Variants in MAGI2 observed in about 807,000 individuals in gnomAD.
MAGI2 encodes membrane associated guanylate kinase, WW and PDZ domain containing 2.
Under a neutral mutation model 133.3 loss-of-function variants are expected in MAGI2, and 35 were observed. The ratio of observed to expected loss-of-function variants is 0.26; its 90% CI spans 0.20 to 0.35. The LOEUF (loss-of-function observed/expected upper bound fraction) is 0.35, where lower values mean the gene tolerates loss of function less well. MAGI2 is among the 10% of genes least tolerant of loss of function. The pLI is 1.00. For synonymous variants in MAGI2, 729 were observed against 710.6 expected (o/e 1.03, Z -0.41); for missense variants, 1,636 against 1,863.4 (o/e 0.88, Z 2.25).
chr7:79,156,702 TG>T (rs1195985527), intron 1 of MAGI2, among the ~76,000 whole-genome samples: 2 of 152,132 alleles, frequency 1.3e-5, no homozygotes, highest in Non-Finnish European at 2.9e-5. Flanking sequence ...AAAACCAAGC[TG>T]TACCCTGACC....
At chr7:79,037,139 C>G (rs1376105531) in intron 1 of MAGI2, among the ~76,000 whole-genome samples, 2 of 152,084 alleles carry the variant, frequency 1.3e-5, no homozygotes, top group African/African-American at 4.8e-5. Flanking sequence ...TCACTCCCTT[C>G]GTTTATGTAA....
rs925852229 is a variant in MAGI2, at chr7:78,109,201, G to C, written c.3567+16493C>G. On this transcript the variant is annotated intron_variant, in intron 20 of 21. Transcript: ENST00000354212. ...CGCCTGTAGTCCCAGCTACTCGGGA[G>C]GCTGAGGCAGGAGAATGGCGCGAAC... is the stretch of plus-strand genomic sequence containing the variant. Among the ~76,000 whole-genome samples the C allele has an allele frequency of 3.1e-4, 46 of 148,700 alleles. 1 individual carries two copies. The highest frequency in any genetic ancestry group is 1.0e-4 in the Non-Finnish European group (7 of 67,284).
rs1443959493 is a variant in MAGI2, at chr7:78,229,367, G to A, written c.2047+26576C>T. On this transcript the variant is annotated intron_variant, in intron 10 of 21. Coordinates refer to ENST00000354212, the MANE Select transcript of MAGI2 (RefSeq NM_012301.4). ...ATCACACAGGCCAAGTGAACACCAA[G>A]ATTTGAACTCAGGGCCTGTGTCCTA... 2.6e-5 allele frequency among the ~76,000 whole-genome samples: 4 copies of A among 152,220 alleles called. No individual in the cohort carries two copies. The East Asian group carries it at 7.7e-4, about 29-fold the overall frequency.
At chr7:78,663,997 G>C (rs12533307) in intron 2 of MAGI2, among the ~76,000 whole-genome samples, 17,033 of 152,110 alleles carry the variant, frequency 0.11, 1,278 homozygotes, top group East Asian at 0.23. Flanking sequence ...GTAATCACTG[G>C]GTGCTATCAG....
intron 1 of MAGI2, among the ~76,000 whole-genome samples, chr7:79,369,838 A>C (rs1354851211): frequency 2.0e-5 from 3 of 147,626 alleles, no homozygotes; most frequent in Non-Finnish European, 4.5e-5. Flanking sequence ...TTTATAAATA[A>C]AGATGAAAAA....
chr7:79,113,488 CTG>C, intron 1 of MAGI2, among the ~76,000 whole-genome samples: 1 of 152,254 alleles, frequency 6.6e-6, no homozygotes, highest in East Asian at 1.9e-4. Context: ...GTTTTGCTGT[CTG>C]TACTTAAACT....
chr7:79,372,701 A>G (rs1301043864), intron 1 of MAGI2, among the ~76,000 whole-genome samples: 1 of 152,060 alleles, frequency 6.6e-6, no homozygotes, highest in Non-Finnish European at 1.5e-5. Flanking sequence ...CTCCTCAGCA[A>G]TTCTTCACTT....
Position 78,406,210 on chromosome 7 carries a change from G to A in MAGI2, c.1046-36997C>T, listed in dbSNP as rs370708835. Among the ~76,000 whole-genome samples, 59 of 151,970 alleles carry A rather than the reference G, an allele frequency of 3.9e-4. 2 individuals carry two copies. The East Asian group carries it at 0.01, about 26-fold the overall frequency. On this transcript the variant is annotated intron_variant, in intron 6 of 21. Coordinates refer to ENST00000354212, the MANE Select transcript of MAGI2 (RefSeq NM_012301.4). ...AATAAGCATTTTAATTCTCATTTAC[G>A]AGCAAAACAGTCCATGACCTGTCCT... is the stretch of plus-strand genomic sequence containing the variant.
intron 1 of MAGI2, among the ~76,000 whole-genome samples, chr7:79,447,492 T>G (rs1274229236): frequency 1.3e-5 from 2 of 152,044 alleles, no homozygotes; most frequent in Admixed American, 6.5e-5. Context: ...GGTAGATGTT[T>G]CCATTGAACT....
At chr7:78,409,783 A>G (rs1797704850) in intron 6 of MAGI2, among the ~76,000 whole-genome samples, 1 of 152,102 alleles carries the variant, frequency 6.6e-6, no homozygotes, top group South Asian at 2.1e-4. Context: ...GCTTTTGCAT[A>G]TGTTCCCAGA....
At chr7:79,345,955 A>G (rs2129105074) in intron 1 of MAGI2, among the ~76,000 whole-genome samples, 1 of 152,194 alleles carries the variant, frequency 6.6e-6, no homozygotes. Flanking sequence ...TTACCAAATG[A>G]TCTGGCAATA....
At chr7:78,889,977 G>A (rs1219806908) in intron 2 of MAGI2, among the ~76,000 whole-genome samples, 2 of 152,126 alleles carry the variant, frequency 1.3e-5, no homozygotes, top group Non-Finnish European at 2.9e-5. Flanking sequence ...CTGTATTCAG[G>A]AGACCCATCT....
chr7:78,488,086 G>T (rs1456371906), intron 6 of MAGI2, among the ~76,000 whole-genome samples: 1 of 151,930 alleles, frequency 6.6e-6, no homozygotes, highest in Non-Finnish European at 1.5e-5. Flanking sequence ...ATAATATAAA[G>T]AATAGAGTCT....
intron 1 of MAGI2, among the ~76,000 whole-genome samples, chr7:79,141,137 C>T (rs777288613): frequency 1.6e-4 from 25 of 152,162 alleles, no homozygotes; most frequent in Admixed American, 9.2e-4. Context: ...GCTATTTTCT[C>T]CTCATGACCC....
At chr7:78,139,799 C>T (rs1822557023) in intron 16 of MAGI2, among the ~76,000 whole-genome samples, 1 of 152,148 alleles carries the variant, frequency 6.6e-6, no homozygotes, top group South Asian at 2.1e-4. Context: ...TTGAAAATCT[C>T]ATAAATTATG....
intron 2 of MAGI2, among the ~76,000 whole-genome samples, chr7:78,891,346 GA>G (rs1796731776): frequency 6.6e-6 from 1 of 152,156 alleles, no homozygotes; most frequent in Non-Finnish European, 1.5e-5. Flanking sequence ...CCAATCAATA[GA>G]AAAAGAGAGA....
At chr7:79,308,879 G>C (rs984380898) in intron 1 of MAGI2, among the ~76,000 whole-genome samples, 3 of 152,034 alleles carry the variant, frequency 2.0e-5, no homozygotes, top group Admixed American at 2.0e-4. Context: ...AGAATAAAAT[G>C]CTTTAGAATA....
chr7:78,104,587 C>G (rs1052371084), intron 20 of MAGI2, among the ~76,000 whole-genome samples: 7 of 152,212 alleles, frequency 4.6e-5, no homozygotes, highest in African/African-American at 1.4e-4. Flanking sequence ...GTATGCTACT[C>G]TATTCCTCCA....
chr7:78,932,638 T>A (rs866988424), intron 2 of MAGI2, among the ~76,000 whole-genome samples: 16 of 151,906 alleles, frequency 1.1e-4, no homozygotes, highest in African/African-American at 3.9e-4. Flanking sequence ...CAAAGATAGG[T>A]CACAATGAAC....
Sources: allele counts gnomAD v4.1 joint callset (sites outside exome capture counted in the v4.1 genomes callset), GRCh38; gene constraint gnomAD v4.1.1; transcripts MANE v1.5; gene names NCBI Gene and HGNC (gene_info 2026-07-23, HGNC 2026-07-21).